PREP: variants seen among roughly 807,000 people sequenced by gnomAD.
The protein encoded by PREP is prolyl endopeptidase.
A neutral mutation model predicts 87.6 loss-of-function variants in PREP; 29 were observed. The ratio of observed to expected loss-of-function variants is 0.33; its 90% confidence interval spans 0.25 to 0.45. PREP has a LOEUF of 0.45. Ranked by LOEUF, PREP falls within the 20% of genes least tolerant of loss-of-function variation. The pLI, the probability that PREP is intolerant of heterozygous loss-of-function variation, is 1.00. For synonymous variants in PREP, 337 were observed against 328.6 expected, an observed-to-expected ratio of 1.03 and a Z score of -0.28; for missense variants, 695 against 886.5, an observed-to-expected ratio of 0.78 and a Z score of 2.74.
At chr6:105,296,377 C>T (rs1770412970) in intron 10 of PREP, among the ~76,000 whole-genome samples, 1 of 151,746 alleles carries the variant, frequency 6.6e-6, no homozygotes, top group Non-Finnish European at 1.5e-5. Context: ...TGTCCCAGTA[C>T]ACCAACAGTT....
intron 10 of PREP, among the ~76,000 whole-genome samples, chr6:105,290,347 C>A (rs1347579450): frequency 6.6e-6 from 1 of 152,172 alleles, no homozygotes; most frequent in East Asian, 1.9e-4. Context: ...CAGCACTATA[C>A]CCGCAGAGGC....
intron 1 of PREP, among the ~76,000 whole-genome samples, chr6:105,398,455 T>G (rs1773342637): frequency 6.6e-6 from 1 of 152,222 alleles, no homozygotes; most frequent in Admixed American, 6.5e-5. Flanking sequence ...TGATTCTAAT[T>G]GACATAAGTT....
At chr6:105,378,280 G>A (rs1337734619) in intron 2 of PREP, among the ~76,000 whole-genome samples, 5 of 152,174 alleles carry the variant, frequency 3.3e-5, no homozygotes, top group South Asian at 4.1e-4. Flanking sequence ...CCAGCATGGC[G>A]AAACCCTGTC....
intron 6 of PREP, among the ~76,000 whole-genome samples, chr6:105,367,240 T>C (rs1227916430): frequency 6.6e-6 from 1 of 152,156 alleles, no homozygotes; most frequent in East Asian, 1.9e-4. Context: ...TTCATATCTA[T>C]GGTACGCAGA....
intron 10 of PREP, among the ~76,000 whole-genome samples, chr6:105,303,450 A>G (rs1770587671): frequency 6.6e-6 from 1 of 151,836 alleles, no homozygotes; most frequent in South Asian, 2.1e-4. Context: ...CTCTAGTGAT[A>G]TTGCTGTTTC....
chr6:105,386,915 G>GA (rs560224668), intron 2 of PREP, among the ~76,000 whole-genome samples: 34 of 152,144 alleles, frequency 2.2e-4, no homozygotes, highest in African/African-American at 8.2e-4. Context: ...CATGGTGGGG[G>GA]AAAAAAAGAA....
At chr6:105,285,731 G>C in intron 11 of PREP, 151 bp from the exon 12 acceptor site, 2 of 626,842 alleles carry the variant, frequency 3.2e-6, no homozygotes, top group Middle Eastern at 2.5e-4. Flanking sequence ...CTTGATTAAA[G>C]TGAAAAACAC....
chr6:105,338,419 G>A (rs910146771), intron 7 of PREP, among the ~76,000 whole-genome samples: 1 of 152,204 alleles, frequency 6.6e-6, no homozygotes, highest in Non-Finnish European at 1.5e-5. Context: ...AGCTCCAAGA[G>A]GGAGGTTCCA....
intron 10 of PREP, among the ~76,000 whole-genome samples, chr6:105,290,152 G>A (rs1283167536): frequency 6.6e-6 from 1 of 152,198 alleles, no homozygotes; most frequent in African/African-American, 2.4e-5. Context: ...ACACTTCAGA[G>A]TTCAAAATTA....
In PREP at chr6:105,274,732, C is replaced by T. The variant is rs996454425; in HGVS notation, c.*3412G>A. On this transcript the variant is annotated 3_prime_UTR_variant, in exon 15 of 15. Coordinates refer to ENST00000652536, the MANE Select transcript of PREP (RefSeq NM_002726.5). ...GCAGTAAGCTGAGATAGCGCCATTG[C>T]ACTCCAGCCTGGGCCGTAACAGCAA... Among the ~76,000 whole-genome samples, 20 of 152,304 alleles carry T rather than the reference C, an allele frequency of 1.3e-4. No homozygotes were observed. The highest frequency in any genetic ancestry group is 4.8e-4 in the African/African-American group (20 of 41,574).
chr6:105,387,213 T>C (rs1408182799), intron 2 of PREP, among the ~76,000 whole-genome samples: 2 of 132,932 alleles, frequency 1.5e-5, no homozygotes, highest in Non-Finnish European at 3.1e-5. Context: ...CAAGCCTCCA[T>C]CTCAAAAAAA....
rs749894231 is a variant in PREP, at chr6:105,376,080, G to GT, written c.385+44dup. 5 of 1,580,932 alleles carry GT rather than the reference G, an allele frequency of 3.2e-6. No individual in the cohort carries two copies. In the South Asian group the frequency reaches 5.9e-5, roughly 19 times the overall value. On this transcript the variant is annotated intron_variant, in intron 4 of 14. Coordinates refer to ENST00000652536, the MANE Select transcript of PREP (RefSeq NM_002726.5). ...AACTGCACTAACTTCAGAGCTCCAA[G>GT]TGAGGGTCTTAGGAGTTCCACGGGC...
chr6:105,329,892 G>A (rs1035237250), intron 8 of PREP, among the ~76,000 whole-genome samples: 1 of 152,202 alleles, frequency 6.6e-6, no homozygotes, highest in African/African-American at 2.4e-5. Context: ...TGAGTCTCAA[G>A]TGCAGGAGTG....
intron 1 of PREP, among the ~76,000 whole-genome samples, chr6:105,399,743 C>A (rs139276763): frequency 1.3e-5 from 2 of 152,252 alleles, no homozygotes; most frequent in African/African-American, 2.4e-5. Flanking sequence ...ATTAAGAAAT[C>A]AGAAAATTTT....
intron 13 of PREP, 66 bp downstream of exon 13, chr6:105,282,385 G>A: frequency 2.6e-6 from 4 of 1,547,906 alleles, no homozygotes; most frequent in Non-Finnish European, 3.5e-6. Context: ...GCTGCCTACA[G>A]ATGGTGTATC....
intron 2 of PREP, among the ~76,000 whole-genome samples, chr6:105,381,247 T>C (rs1360425343): frequency 6.6e-6 from 1 of 152,258 alleles, no homozygotes; most frequent in Non-Finnish European, 1.5e-5. Context: ...CACACATCTT[T>C]ATAACTCGGG....
chr6:105,392,043 C>CTTTTT (rs201604035), intron 2 of PREP, among the ~76,000 whole-genome samples: 1 of 123,250 alleles, frequency 8.1e-6, no homozygotes, highest in Non-Finnish European at 1.7e-5. Flanking sequence ...GTCTTCAAAT[C>CTTTTT]TTTTTTTTTT....
At chr6:105,311,670 T>A (rs1168757444) in intron 10 of PREP, among the ~76,000 whole-genome samples, 3 of 152,254 alleles carry the variant, frequency 2.0e-5, no homozygotes, top group Non-Finnish European at 4.4e-5. Flanking sequence ...TCTCTTCACG[T>A]CGCTGCTACA....
At chr6:105,329,177 G>A (rs1294097292) in intron 8 of PREP, 151 bp from the exon 9 acceptor site, 12 of 716,602 alleles carry the variant, frequency 1.7e-5, no homozygotes, top group Admixed American at 2.6e-5. Flanking sequence ...TTTTGAGACA[G>A]GGTCTTGCTG....
Sources: gnomAD v4.1 joint callset for allele counts (sites outside exome capture counted in the v4.1 genomes callset) on GRCh38, gnomAD v4.1.1 for gene constraint, MANE v1.5 for transcripts, NCBI Gene and HGNC (gene_info 2026-07-23, HGNC 2026-07-21) for gene names.